MAML3: variants seen among roughly 807,000 people sequenced by gnomAD.
MAML3 encodes mastermind-like protein 3.
In MAML3, 27 loss-of-function variants were observed where a neutral mutation model predicts 101.9. That is an observed-to-expected ratio of 0.27 (90% CI 0.20 to 0.37). MAML3 has a LOEUF of 0.37. MAML3 is among the 10% of genes least tolerant of loss of function. The pLI is 1.00. For synonymous variants in MAML3, 501 were observed against 555.9 expected (o/e 0.90, Z 1.39); for missense variants, 1,316 against 1,444.9 (o/e 0.91, Z 1.45).
rs545911331 is a variant in MAML3 at position 139,940,028 on chromosome 4, T to C, written c.469-49061A>G. ...ATTCGTCCACCTCGGCCTCCCAAAG[T>C]GCTGTGATTACAGGAATGAGCCACC... On this transcript the variant is annotated intron_variant, in intron 1 of 4. Coordinates refer to ENST00000509479, the MANE Select transcript of MAML3 (RefSeq NM_018717.5). Among the ~76,000 whole-genome samples the C allele has an allele frequency of 5.9e-5, 9 of 152,262 alleles. No individual in the cohort carries two copies. In the East Asian group the frequency reaches 1.7e-3, roughly 29 times the overall value.
chr4:139,806,268 TAGAAAA>T (rs1730698889), intron 2 of MAML3, among the ~76,000 whole-genome samples: 1 of 152,124 alleles, frequency 6.6e-6, no homozygotes, highest in South Asian at 2.1e-4. Context: ...GTAAGTTTTT[TAGAAAA>T]AGAAATATAT....
chr4:140,018,170 A>G (rs1004400921), intron 1 of MAML3, among the ~76,000 whole-genome samples: 1 of 152,168 alleles, frequency 6.6e-6, no homozygotes, highest in Non-Finnish European at 1.5e-5. Flanking sequence ...CTCAGATTCT[A>G]ATTTAAACCT....
chr4:140,017,732 A>T (rs1157180711), intron 1 of MAML3, among the ~76,000 whole-genome samples: 1 of 123,736 alleles, frequency 8.1e-6, no homozygotes, highest in African/African-American at 2.7e-5. Context: ...ACATTCTTGA[A>T]ATGACAAAAT....
intron 1 of MAML3, among the ~76,000 whole-genome samples, chr4:140,031,553 AT>A (rs1726908591): frequency 6.6e-6 from 1 of 152,200 alleles, no homozygotes; most frequent in African/African-American, 2.4e-5. Context: ...GCTATATTAA[AT>A]TTTGATTCAA....
At chr4:140,121,110 C>T (rs1178609402) in intron 1 of MAML3, among the ~76,000 whole-genome samples, 3 of 152,116 alleles carry the variant, frequency 2.0e-5, no homozygotes, top group African/African-American at 4.8e-5. Context: ...TTCATTTGGA[C>T]GCATAAAACT....
intron 1 of MAML3, among the ~76,000 whole-genome samples, chr4:139,920,890 G>A (rs1343109114): frequency 3.3e-5 from 5 of 152,100 alleles, no homozygotes; most frequent in Non-Finnish European, 7.4e-5. Context: ...GACTGGTTTG[G>A]GCTCAGCTAG....
At chr4:139,809,706 T>G (rs566661067) in intron 2 of MAML3, among the ~76,000 whole-genome samples, 37 of 152,288 alleles carry the variant, frequency 2.4e-4, no homozygotes, top group African/African-American at 8.9e-4. Context: ...CAGAGCATTG[T>G]TGTTTTCATA....
intron 2 of MAML3, among the ~76,000 whole-genome samples, chr4:139,783,682 GGA>G (rs1345502051): frequency 6.6e-6 from 1 of 152,170 alleles, no homozygotes; most frequent in Non-Finnish European, 1.5e-5. Flanking sequence ...GCAAATCTGG[GGA>G]TGCCCAAGAG....
At chr4:139,825,304 CTATT>C (rs1472378678) in intron 2 of MAML3, among the ~76,000 whole-genome samples, 1 of 152,116 alleles carries the variant, frequency 6.6e-6, no homozygotes, top group East Asian at 1.9e-4. Context: ...GAGGAGATGT[CTATT>C]TACTTTCTCT....
chr4:140,134,337 C>T (rs890622799), intron 1 of MAML3: 19 of 456,582 alleles, frequency 4.2e-5, no homozygotes, highest in African/African-American at 3.6e-4. Context: ...TCAAGCGAGG[C>T]AAGTCAAGAA....
At chr4:140,118,820 G>C (rs188828178) in intron 1 of MAML3, among the ~76,000 whole-genome samples, 1 of 152,128 alleles carries the variant, frequency 6.6e-6, no homozygotes, top group Non-Finnish European at 1.5e-5. Context: ...AATAACATGC[G>C]TAAGAGCCAC....
chr4:139,833,882 A>T (rs1731215090), intron 2 of MAML3, among the ~76,000 whole-genome samples: 1 of 152,124 alleles, frequency 6.6e-6, no homozygotes, highest in African/African-American at 2.4e-5. Context: ...AACCTGAATT[A>T]GCAGAAAGCC....
At chr4:140,133,660 G>A (rs1001120571) in intron 1 of MAML3, among the ~76,000 whole-genome samples, 1 of 151,994 alleles carries the variant, frequency 6.6e-6, no homozygotes, top group African/African-American at 2.4e-5. Flanking sequence ...GTAAAACAAC[G>A]TAGCTACATT....
intron 2 of MAML3, among the ~76,000 whole-genome samples, chr4:139,734,177 A>G (rs1160161710): frequency 1.3e-5 from 2 of 152,216 alleles, no homozygotes; most frequent in African/African-American, 4.8e-5. Flanking sequence ...CTAACATAAT[A>G]CATGGCTTCT....
chr4:139,764,918 A>G (rs1329789853), intron 2 of MAML3, among the ~76,000 whole-genome samples: 4 of 144,128 alleles, frequency 2.8e-5, no homozygotes, highest in African/African-American at 1.0e-4. Context: ...TACTCTGGGC[A>G]GCTCCCAATG....
intron 1 of MAML3, among the ~76,000 whole-genome samples, chr4:139,975,382 C>T (rs545850700): frequency 6.6e-6 from 1 of 152,070 alleles, no homozygotes; most frequent in Admixed American, 6.5e-5. Flanking sequence ...TCCCTATCAC[C>T]GTATCTAAAA....
intron 3 of MAML3, among the ~76,000 whole-genome samples, chr4:139,726,733 T>C (rs1728487321): frequency 6.6e-6 from 1 of 152,248 alleles, no homozygotes; most frequent in Admixed American, 6.5e-5. Flanking sequence ...GGATTCCACA[T>C]ATACCAGCAG....
At chr4:139,802,669 G>GGGT (rs1730629658) in intron 2 of MAML3, among the ~76,000 whole-genome samples, 1 of 152,256 alleles carries the variant, frequency 6.6e-6, no homozygotes, top group Non-Finnish European at 1.5e-5. Flanking sequence ...TCCTGGTGAG[G>GGGT]CTGCCTTGCA....
In MAML3 at chr4:140,051,387, T is replaced by C. The variant is rs1206649409; in HGVS notation, c.468+101473A>G. Among the ~76,000 whole-genome samples the C allele has an allele frequency of 5.9e-5, 9 of 151,946 alleles. No homozygotes were observed. The East Asian group carries it at 1.5e-3, about 26-fold the overall frequency. Reference sequence around the variant, plus strand: ...CTGGCCAACATGGTGAAACCCTGTCTCTACTAAAAATACAAAAAAATTAGC... The same window carrying C: ...CTGGCCAACATGGTGAAACCCTGTCCCTACTAAAAATACAAAAAAATTAGC... On this transcript the variant is annotated intron_variant, in intron 1 of 4. Transcript: ENST00000509479.
Sources: allele counts gnomAD v4.1 joint callset (sites outside exome capture counted in the v4.1 genomes callset), GRCh38; gene constraint gnomAD v4.1.1; transcripts MANE v1.5; gene names NCBI Gene and HGNC (gene_info 2026-07-23, HGNC 2026-07-21).